The following ARHGEF18 variants were observed in gnomAD, a reference collection of about 807,000 sequenced individuals.
The protein encoded by ARHGEF18 is rho guanine nucleotide exchange factor 18.
A neutral mutation model predicts 155.7 loss-of-function variants in ARHGEF18; 93 were observed. That is an observed-to-expected ratio of 0.60 (90% CI 0.50 to 0.71). The LOEUF (loss-of-function observed/expected upper bound fraction) is 0.71. Among genes scored for constraint, ARHGEF18 ranks in the 30% least tolerant of loss-of-function variants. The pLI is 0.00. For synonymous variants in ARHGEF18, 742 were observed against 753.1 expected, an observed-to-expected ratio of 0.99 and a Z score of 0.24; for missense variants, 1,593 against 1,816.1, an observed-to-expected ratio of 0.88 and a Z score of 2.23.
chr19:7,440,480 C>T lies in ARHGEF18; in HGVS notation c.1104C>T (p.Leu368=), dbSNP rs1170055878. 1.3e-6 allele frequency: 2 copies of T among 1,596,310 alleles called. No individual in the cohort carries two copies. Among genetic ancestry groups the T allele is most frequent in the Non-Finnish European group, 1.7e-6 (2 of 1,177,896 alleles). Residue 368 remains leucine (L), a splice_region_variant and synonymous_variant, in exon 11 of 29, where the codon CTC becomes CTT. Transcript: ENST00000668164. This position sits in a 1 kb window ranked among gnomAD's most constrained non-coding sequence, Gnocchi z 5.4. The stretch of plus-strand genomic sequence containing the variant: ...GCCCGGCTGGCCCTGGGACGCAACT[C>T]GGGTAAGCCAGGGTCCCCTCTGTGC... ...TPSPAGPGTQ[L]GPITGEMDEA...
rs768228594 is a variant in ARHGEF18 at position 7,468,803 on chromosome 19, G to T, written c.3481-22G>T. On this transcript the variant is annotated intron_variant, in intron 26 of 28. Transcript: ENST00000668164. ...GCACAGCAGGAACCTCACATTGGAT[G>T]TATCTGCTGTTGTCCCCTCAGGCCC... 2.6e-6 allele frequency: 4 copies of T among 1,516,798 alleles called. No individual in the cohort carries two copies. The Admixed American group carries it at 6.1e-5, about 23-fold the overall frequency. 94.0% of individuals were successfully genotyped at this position (1,516,798 alleles called of 1,614,324 possible). A position where few individuals can be genotyped will look rare whatever the true frequency, so the allele number is the denominator to read the frequency against.
At chr19:7,408,331 G>T (rs928705352) in intron 10 of ARHGEF18, among the ~76,000 whole-genome samples, 1 of 152,156 alleles carries the variant, frequency 6.6e-6, no homozygotes, top group African/African-American at 2.4e-5. Context: ...AGCCCACATA[G>T]CCTCTGTCAC....
At position 7,378,300 on chromosome 19, in the gene ARHGEF18, G is replaced by C. The variant is rs1970558737; in HGVS notation, c.542-94G>C. On this transcript the variant is annotated intron_variant, in intron 5 of 28. Coordinates refer to ENST00000668164, the MANE Select transcript of ARHGEF18 (RefSeq NM_001367823.1). Reference sequence around the variant, plus strand: ...GTCTGCATGGCCTCCAGTTCTGCAGGGGCCCAGGGTGGCATCCGGGAGGGC... The same window carrying C: ...GTCTGCATGGCCTCCAGTTCTGCAGCGGCCCAGGGTGGCATCCGGGAGGGC... The C allele has an allele frequency of 3.2e-6, 3 of 945,964 alleles. No individual in the cohort carries two copies. In the African/African-American group the frequency reaches 5.1e-5, roughly 16 times the overall value. 58.6% of individuals were successfully genotyped at this position (945,964 alleles called of 1,614,324 possible).
chr19:7,351,100 A>G (rs1969146066), intron 1 of ARHGEF18, among the ~76,000 whole-genome samples: 1 of 152,092 alleles, frequency 6.6e-6, no homozygotes, highest in South Asian at 2.1e-4. Flanking sequence ...CACCTCGCTC[A>G]GCCTTTATGA....
At chr19:7,430,550 T>C (rs1034206342) in intron 10 of ARHGEF18, among the ~76,000 whole-genome samples, 2 of 152,100 alleles carry the variant, frequency 1.3e-5, no homozygotes, top group Non-Finnish European at 2.9e-5. Flanking sequence ...TTGCCTGTAA[T>C]CGCAGCACTT....
rs1254459588 is a variant in ARHGEF18 at position 7,463,694 on chromosome 19, G to A, written c.2636-124G>A. 1 of 1,209,152 alleles carries A rather than the reference G, an allele frequency of 8.3e-7. No individual in the cohort carries two copies. The highest frequency in any genetic ancestry group is 1.6e-5 in the South Asian group (1 of 63,300). The allele number at this position is 1,209,152 out of a possible 1,614,324, so 74.9% of individuals were successfully genotyped here. A position where few individuals can be genotyped will look rare whatever the true frequency, so the allele number is the denominator to read the frequency against. On this transcript the variant is annotated intron_variant, in intron 21 of 28. Coordinates refer to ENST00000668164, the MANE Select transcript of ARHGEF18 (RefSeq NM_001367823.1). This position sits in a 1 kb window ranked among gnomAD's most constrained non-coding sequence, Gnocchi z 5.2. ...CTGAAATCCCACGGCACACAGAAGG[G>A]GGCAGGCGATCACCACCCCAGTGAG...
At chr19:7,461,716 C>G (rs1324828045) in intron 20 of ARHGEF18, among the ~76,000 whole-genome samples, 1 of 152,078 alleles carries the variant, frequency 6.6e-6, no homozygotes, top group African/African-American at 2.4e-5. Context: ...CTTTGTTGGC[C>G]AGGCTGGAGT....
chr19:7,459,242 G>C (rs1278914267), intron 19 of ARHGEF18, among the ~76,000 whole-genome samples: 2 of 151,772 alleles, frequency 1.3e-5, no homozygotes. Context: ...GTTTTTTAGA[G>C]TCTGGCTCTT....
At chr19:7,394,290 A>G (rs1971554949) in intron 10 of ARHGEF18, among the ~76,000 whole-genome samples, 1 of 151,810 alleles carries the variant, frequency 6.6e-6, no homozygotes, top group Non-Finnish European at 1.5e-5. Flanking sequence ...GGGTCTTGCT[A>G]TGTTGCCCAG....
intron 7 of ARHGEF18, among the ~76,000 whole-genome samples, chr19:7,380,442 A>G (rs530677383): frequency 1.3e-3 from 201 of 150,426 alleles, no homozygotes; most frequent in Middle Eastern, 6.8e-3. Context: ...TCGCACCACC[A>G]CACTCCAGCC....
intron 2 of ARHGEF18, among the ~76,000 whole-genome samples, chr19:7,368,690 A>G (rs542168237): frequency 1.1e-4 from 16 of 152,290 alleles, no homozygotes; most frequent in Admixed American, 8.5e-4. Flanking sequence ...TTATATTTAC[A>G]GGAGGATGAA....
rs377535487 is a variant in ARHGEF18, at chr19:7,367,758, A to AAATATAT, written c.15+4854_15+4855insATATATA. On this transcript the variant is annotated intron_variant, in intron 2 of 28. Coordinates refer to ENST00000668164, the MANE Select transcript of ARHGEF18 (RefSeq NM_001367823.1). ...TGAAACTCCATCTCAAAAAAAAAAA[A>AAATATAT]ATATATATATATATACACATATATA... 1.2e-4 allele frequency among the ~76,000 whole-genome samples: 9 copies of AAATATAT among 74,112 alleles called. 1 individual carries two copies. The highest frequency in any genetic ancestry group is 2.8e-4 in the African/African-American group (4 of 14,060). The allele number at this position is 74,112 out of a possible 152,430, so 48.6% of individuals were successfully genotyped here.
chr19:7,362,342 A>AGG (rs1243756431), intron 1 of ARHGEF18, among the ~76,000 whole-genome samples: 3,377 of 149,676 alleles, frequency 0.023, 138 homozygotes, highest in East Asian at 0.1. Flanking sequence ...GAGGAGGAGG[A>AGG]AGAGGAGGAG....
chr19:7,404,107 A>G (rs1972167294), intron 10 of ARHGEF18, among the ~76,000 whole-genome samples: 1 of 151,670 alleles, frequency 6.6e-6, no homozygotes, highest in South Asian at 2.1e-4. Flanking sequence ...AGCCTCACAG[A>G]GTGCTGGGAT....
In ARHGEF18 at chr19:7,376,744, T is replaced by A; in HGVS notation, c.528T>A (p.Thr176=). ...PEISPGLEVP[T]PPVQGLEPPV... is the part of the protein sequence containing the mutation. ...TCTCTCCGGGTTTGGAAGTGCCCACTCCACCTGTTCAAGGTAGCCAGCCTG... is the reference window on the plus strand; with the variant it reads ...TCTCTCCGGGTTTGGAAGTGCCCACACCACCTGTTCAAGGTAGCCAGCCTG... Residue 176 remains threonine (T), a synonymous_variant, in exon 5 of 29, where the codon ACT becomes ACA. Coordinates refer to ENST00000668164, the MANE Select transcript of ARHGEF18 (RefSeq NM_001367823.1). 1 of 1,234,396 alleles carries A rather than the reference T, an allele frequency of 8.1e-7. No individual in the cohort carries two copies. Among genetic ancestry groups the A allele is most frequent in the Middle Eastern group, 2.1e-4 (1 of 4,840 alleles). 76.5% of individuals were successfully genotyped at this position (1,234,396 alleles called of 1,614,324 possible). A position where few individuals can be genotyped will look rare whatever the true frequency, so the allele number is the denominator to read the frequency against.
At chr19:7,453,851 A>G (rs563680113) in intron 17 of ARHGEF18, 136 bp downstream of exon 17, 4 of 1,216,646 alleles carry the variant, frequency 3.3e-6, no homozygotes, top group Middle Eastern at 2.9e-4. Flanking sequence ...GGTGGTCACC[A>G]TCTTGGATTG....
Position 7,472,429 on chromosome 19 carries a change from C to A in ARHGEF18, c.*2131C>A, listed in dbSNP as rs975805260. The A allele has an allele frequency of 1.3e-5, 2 of 155,972 alleles. No homozygotes were observed. Among genetic ancestry groups the A allele is most frequent in the African/African-American group, 4.8e-5 (2 of 41,464 alleles). 9.7% of individuals were successfully genotyped at this position (155,972 alleles called of 1,614,324 possible). The stretch of plus-strand genomic sequence containing the variant: ...TTCCTCACTGCGGGATATTTCTGAC[C>A]CGCTTTAGAACTTAAGACCTGATTC... On this transcript the variant is annotated 3_prime_UTR_variant, in exon 29 of 29. Transcript: ENST00000668164.
chr19:7,449,134 C>T (rs1330098443), intron 15 of ARHGEF18, among the ~76,000 whole-genome samples: 1 of 152,156 alleles, frequency 6.6e-6, no homozygotes, highest in Non-Finnish European at 1.5e-5. Context: ...CACAGCGGCT[C>T]CGGGCCTCTT....
At chr19:7,362,028 G>GAA (rs1969591068) in intron 1 of ARHGEF18, among the ~76,000 whole-genome samples, 4 of 57,936 alleles carry the variant, frequency 6.9e-5, no homozygotes, top group South Asian at 6.1e-4. Flanking sequence ...AGAAGGAGAA[G>GAA]GAGAAGGAGA....
Sources: gnomAD v4.1 joint callset for allele counts (sites outside exome capture counted in the v4.1 genomes callset) on GRCh38, gnomAD v4.1.1 for gene constraint, Gnocchi (gnomAD v3.1) non-coding constraint, MANE v1.5 for transcripts, NCBI Gene and HGNC (gene_info 2026-07-23, HGNC 2026-07-21) for gene names.